RAB3B: variants seen among roughly 807,000 people sequenced by gnomAD.
RAB3B encodes ras-related protein Rab-3B.
In RAB3B, 11 loss-of-function variants were observed where a neutral mutation model predicts 20.5. The observed-to-expected ratio is 0.54, with a 90% CI of 0.34 to 0.89. The LOEUF (loss-of-function observed/expected upper bound fraction) is 0.89. Ranked by LOEUF, RAB3B falls within the 40% of genes least tolerant of loss-of-function variation. The pLI, the probability that RAB3B is intolerant of heterozygous loss-of-function variation, is 0.02. For synonymous variants in RAB3B, 99 were observed against 106.3 expected (o/e 0.93, Z 0.42); for missense variants, 225 against 280.9 (o/e 0.80, Z 1.42).
chr1:51,970,114 C>T (rs183869148), intron 2 of RAB3B, among the ~76,000 whole-genome samples: 1 of 149,276 alleles, frequency 6.7e-6, no homozygotes, highest in Non-Finnish European at 1.5e-5. Context: ...AACAAACAAA[C>T]AAAAAAACAA....
Position 51,918,337 on chromosome 1 carries a change from A to G in RAB3B, c.*1590T>C, listed in dbSNP as rs1397838431. The G allele has an allele frequency of 6.6e-6, 1 of 152,222 alleles. No homozygotes were observed. Among genetic ancestry groups the G allele is most frequent in the Non-Finnish European group, 1.5e-5 (1 of 68,040 alleles). The allele number at this position is 152,222 out of a possible 1,614,324, so 9.4% of individuals were successfully genotyped here. On this transcript the variant is annotated 3_prime_UTR_variant, in exon 5 of 5. Transcript: ENST00000371655. The stretch of plus-strand genomic sequence containing the variant: ...CTGCTCAAGAGCAGTTAAAAGATGG[A>G]TTGGAGGAAAAGGGCAGGATAGGGA...
chr1:51,939,075 T>A (rs1684453661), intron 2 of RAB3B, among the ~76,000 whole-genome samples: 1 of 152,220 alleles, frequency 6.6e-6, no homozygotes, highest in Admixed American at 6.5e-5. Context: ...AAGTAGCTCA[T>A]AGTCTAGTTG....
intron 2 of RAB3B, among the ~76,000 whole-genome samples, chr1:51,976,065 A>G (rs1247152834): frequency 6.6e-6 from 1 of 152,096 alleles, no homozygotes; most frequent in Middle Eastern, 3.2e-3. Context: ...ATCTGGCTAC[A>G]CCTCATGAGA....
Position 51,910,498 on chromosome 1 carries a change from T to C in RAB3B, c.*9429A>G, listed in dbSNP as rs1216119958. On this transcript the variant is annotated 3_prime_UTR_variant, in exon 5 of 5. Coordinates refer to ENST00000371655, the MANE Select transcript of RAB3B (RefSeq NM_002867.4). Reference sequence around the variant, plus strand: ...GCCTAGAATAGTCAGGCATGGACCATCCAAACACAAATTGCTAAGATGCTT... The same window carrying C: ...GCCTAGAATAGTCAGGCATGGACCACCCAAACACAAATTGCTAAGATGCTT... 6.6e-6 allele frequency: 1 copy of C among 152,060 alleles called. No individual in the cohort carries two copies. Among genetic ancestry groups the C allele is most frequent in the Admixed American group, 6.6e-5 (1 of 15,248 alleles). The allele number at this position is 152,060 out of a possible 1,614,324, so 9.4% of individuals were successfully genotyped here.
At chr1:51,983,671 A>AT (rs1685115646) in intron 1 of RAB3B, among the ~76,000 whole-genome samples, 1 of 152,178 alleles carries the variant, frequency 6.6e-6, no homozygotes, top group African/African-American at 2.4e-5. Flanking sequence ...AAAATATGAG[A>AT]TTTTGAGGCC....
intron 2 of RAB3B, among the ~76,000 whole-genome samples, chr1:51,965,521 C>T (rs557535912): frequency 7.2e-5 from 11 of 151,890 alleles, no homozygotes; most frequent in East Asian, 3.9e-4. Flanking sequence ...GTGGGGGGCA[C>T]GTGTAATCCC....
intron 1 of RAB3B, among the ~76,000 whole-genome samples, chr1:51,981,680 A>C (rs1186214391): frequency 1.3e-5 from 2 of 151,852 alleles, no homozygotes; most frequent in Non-Finnish European, 2.9e-5. Context: ...ACTGCATAAC[A>C]ACATTTCAGT....
chr1:51,963,182 T>C (rs1250810242), intron 2 of RAB3B, among the ~76,000 whole-genome samples: 4 of 152,222 alleles, frequency 2.6e-5, no homozygotes. Context: ...CTGGACCTTA[T>C]CATTACCAAT....
At chr1:51,976,135 G>A (rs1685005922) in intron 2 of RAB3B, among the ~76,000 whole-genome samples, 1 of 151,206 alleles carries the variant, frequency 6.6e-6, no homozygotes, top group Non-Finnish European at 1.5e-5. Flanking sequence ...AATTATTATT[G>A]TTGTTTGACA....
intron 2 of RAB3B, among the ~76,000 whole-genome samples, chr1:51,963,540 T>C (rs889605871): frequency 6.6e-6 from 1 of 152,206 alleles, no homozygotes; most frequent in Non-Finnish European, 1.5e-5. Context: ...GAATTTAAAT[T>C]TATGATCACT....
In RAB3B at chr1:51,977,089, C is replaced by G. The variant is rs762275501; in HGVS notation, c.29G>C (p.Gly10Ala). 1 of 1,614,120 alleles carries G rather than the reference C, an allele frequency of 6.2e-7. No individual in the cohort carries two copies. The highest frequency in any genetic ancestry group is 1.1e-5 in the South Asian group (1 of 91,076). Residue 10 changes from glycine (G) to alanine (A), a missense_variant, in exon 2 of 5, where the codon GGA (glycine) becomes GCA (alanine). Coordinates refer to ENST00000371655, the MANE Select transcript of RAB3B (RefSeq NM_002867.4). ...ATTCTGGTCAGAGGCATCTTTGACT[C>G]CAGTTTTACCATCTGTCACTGAAGC... is the stretch of plus-strand genomic sequence containing the variant. The part of the protein sequence containing the change: MASVTDGKT[G>A]VKDASDQNFD...
chr1:51,941,799 C>T (rs1462577699), intron 2 of RAB3B, among the ~76,000 whole-genome samples: 6 of 152,196 alleles, frequency 3.9e-5, no homozygotes, highest in Non-Finnish European at 5.9e-5. Flanking sequence ...TCAAAGTATT[C>T]CTTCTGACCA....
chr1:51,909,207 G>C lies in RAB3B; in HGVS notation c.*10720C>G, dbSNP rs1406840337. ...ACAGGAGTGTGTATTGAGGTGGAGG[G>C]AAGGAGCTGAAAGAAGGAGGGGATC... is the stretch of plus-strand genomic sequence containing the variant. On this transcript the variant is annotated 3_prime_UTR_variant, in exon 5 of 5. Transcript: ENST00000371655. The C allele has an allele frequency of 6.6e-6, 1 of 152,180 alleles. No individual in the cohort carries two copies. The highest frequency in any genetic ancestry group is 6.6e-5 in the Admixed American group (1 of 15,246). 9.4% of individuals were successfully genotyped at this position (152,180 alleles called of 1,614,324 possible).
At chr1:51,961,180 T>C (rs1684779273) in intron 2 of RAB3B, among the ~76,000 whole-genome samples, 1 of 152,050 alleles carries the variant, frequency 6.6e-6, no homozygotes, top group Non-Finnish European at 1.5e-5. Flanking sequence ...CTACATTCAG[T>C]GCCAAGTCAC....
intron 4 of RAB3B, among the ~76,000 whole-genome samples, chr1:51,932,367 C>G (rs1684338063): frequency 6.6e-6 from 1 of 152,092 alleles, no homozygotes; most frequent in South Asian, 2.1e-4. Context: ...ACTTTCAAAC[C>G]TACAGGCATG....
chr1:51,965,550 G>A (rs1300169787), intron 2 of RAB3B, among the ~76,000 whole-genome samples: 1 of 151,938 alleles, frequency 6.6e-6, no homozygotes, highest in Non-Finnish European at 1.5e-5. Flanking sequence ...GGGAGGCTGA[G>A]GCAGGAGAAT....
intron 2 of RAB3B, among the ~76,000 whole-genome samples, chr1:51,952,055 C>T (rs1185395585): frequency 1.3e-5 from 2 of 152,176 alleles, no homozygotes; most frequent in East Asian, 3.8e-4. Context: ...ACAGAATGTA[C>T]TTGGACCTTT....
At position 51,912,555 on chromosome 1, in the gene RAB3B, ATATATATATATATAT is replaced by A. The variant is rs1284617831; in HGVS notation, c.*7357_*7371del. The A allele has an allele frequency of 1.5e-4, 3 of 20,052 alleles. 1 individual carries two copies. The highest frequency in any genetic ancestry group is 2.0e-4 in the Non-Finnish European group (2 of 9,998). 1.2% of individuals were successfully genotyped at this position (20,052 alleles called of 1,614,324 possible). The stretch of plus-strand genomic sequence containing the variant: ...GACCGTCTCTATTAAAAAAAAAAAA[ATATATATATATATAT>A]ATATATATATATATATATATATATA... On this transcript the variant is annotated 3_prime_UTR_variant, in exon 5 of 5. Coordinates refer to ENST00000371655, the MANE Select transcript of RAB3B (RefSeq NM_002867.4).
At chr1:51,927,439 C>T (rs948006016) in intron 4 of RAB3B, among the ~76,000 whole-genome samples, 2 of 152,152 alleles carry the variant, frequency 1.3e-5, no homozygotes, top group South Asian at 2.1e-4. Context: ...CTAGTCTGGG[C>T]GTGCTTTTCC....
Sources: gnomAD v4.1 joint callset for allele counts (sites outside exome capture counted in the v4.1 genomes callset) on GRCh38, gnomAD v4.1.1 for gene constraint, MANE v1.5 for transcripts, NCBI Gene and HGNC (gene_info 2026-07-23, HGNC 2026-07-21) for gene names.